Variants in INPP4B observed in about 807,000 individuals in gnomAD.
INPP4B encodes the protein inositol polyphosphate-4-phosphatase type II B.
Under a neutral mutation model 122.5 loss-of-function variants are expected in INPP4B, and 55 were observed. That is an observed-to-expected ratio of 0.45 (90% CI 0.36 to 0.56). INPP4B has a LOEUF of 0.56. INPP4B is among the 20% of genes least tolerant of loss of function. INPP4B has a pLI of 0.00. For synonymous variants in INPP4B, 403 were observed against 388.7 expected, an observed-to-expected ratio of 1.04 and a Z score of -0.43; for missense variants, 1,000 against 1,097.7, an observed-to-expected ratio of 0.91 and a Z score of 1.26.
At chr4:142,759,514 C>T (rs1434133867) in intron 1 of INPP4B, among the ~76,000 whole-genome samples, 1 of 152,068 alleles carries the variant, frequency 6.6e-6, no homozygotes, top group Admixed American at 6.6e-5. Flanking sequence ...CTCACTGCAT[C>T]TTATATTAAG....
In INPP4B at chr4:142,124,618, C is replaced by T. The variant is rs139685597; in HGVS notation, c.1863G>A (p.Thr621=). 3.7e-5 allele frequency: 59 copies of T among 1,613,416 alleles called. No homozygotes were observed. Among genetic ancestry groups the T allele is most frequent in the Middle Eastern group, 1.7e-4 (1 of 6,050 alleles). Residue 621 remains threonine (T), a synonymous_variant, in exon 19 of 26, where the codon ACG becomes ACA. Transcript: ENST00000262992. ...AYSLPQCLML[T]LRRDIVFSQA... ...GGCTGAAGACGATGTCTCTTCTTAG[C>T]GTCAGCATCAGACACTGGGGCAAGC...
intron 15 of INPP4B, among the ~76,000 whole-genome samples, chr4:142,190,721 T>TGA (rs971486701): frequency 7.0e-6 from 1 of 142,314 alleles, no homozygotes; most frequent in African/African-American, 2.7e-5. Flanking sequence ...TGTAAGAGTG[T>TGA]GTGTGTGTGT....
At chr4:142,047,853 T>C (rs956783500) in intron 25 of INPP4B, among the ~76,000 whole-genome samples, 1 of 152,084 alleles carries the variant, frequency 6.6e-6, no homozygotes, top group African/African-American at 2.4e-5. Context: ...TCCTAGATAA[T>C]TATGGGATGA....
chr4:142,079,668 C>A (rs1003287726), intron 25 of INPP4B, among the ~76,000 whole-genome samples: 4 of 151,956 alleles, frequency 2.6e-5, no homozygotes, highest in South Asian at 2.1e-4. Context: ...GCATTAGCAT[C>A]AAAAATGTTT....
intron 12 of INPP4B, among the ~76,000 whole-genome samples, chr4:142,234,654 C>T (rs978754979): frequency 6.6e-6 from 1 of 152,210 alleles, no homozygotes; most frequent in Non-Finnish European, 1.5e-5. Context: ...AAAGCCAAAA[C>T]TATACAGCCT....
intron 2 of INPP4B, among the ~76,000 whole-genome samples, chr4:142,599,247 C>T (rs569326218): frequency 1.3e-5 from 2 of 152,310 alleles, no homozygotes; most frequent in South Asian, 2.1e-4. Flanking sequence ...ATCAGTCTGA[C>T]TGTCTGCTAA....
In INPP4B at chr4:142,779,002, T is replaced by C. The variant is rs549122456; in HGVS notation, c.-253-53101A>G. Among the ~76,000 whole-genome samples, 9 of 152,186 alleles carry C rather than the reference T, an allele frequency of 5.9e-5. No homozygotes were observed. In the East Asian group the frequency reaches 1.7e-3, roughly 30 times the overall value. On this transcript the variant is annotated intron_variant, in intron 1 of 25. Transcript: ENST00000262992. ...TGAATATAGGAATCAATGTAGCTGCTAGAGAGTAAGCCAAATTACCAGCTT... is the reference window on the plus strand; with the variant it reads ...TGAATATAGGAATCAATGTAGCTGCCAGAGAGTAAGCCAAATTACCAGCTT...
Position 142,186,642 on chromosome 4 carries a change from G to C in INPP4B, c.1181+6445C>G, listed in dbSNP as rs75240196. On this transcript the variant is annotated intron_variant, in intron 15 of 25. Coordinates refer to ENST00000262992, the MANE Select transcript of INPP4B (RefSeq NM_001101669.3). ...TGGTTTATTTTAAAGAAGAGGACTA[G>C]AACAGGTAGGATTTCAACTATACAA... is the stretch of plus-strand genomic sequence containing the variant. Among the ~76,000 whole-genome samples, 674 of 152,276 alleles carry C rather than the reference G, an allele frequency of 4.4e-3. 3 individuals carry two copies. The highest frequency in any genetic ancestry group is 0.015 in the African/African-American group (637 of 41,548).
intron 9 of INPP4B, among the ~76,000 whole-genome samples, chr4:142,289,746 G>A (rs1463231917): frequency 1.3e-5 from 2 of 152,138 alleles, no homozygotes; most frequent in Non-Finnish European, 2.9e-5. Context: ...ACTCCATGGT[G>A]ACCCAATCTT....
chr4:142,676,821 A>G (rs879013428), intron 2 of INPP4B, among the ~76,000 whole-genome samples: 1 of 152,152 alleles, frequency 6.6e-6, no homozygotes, highest in Admixed American at 6.6e-5. Flanking sequence ...CCTTTCTTAC[A>G]CCTTATGCAA....
intron 2 of INPP4B, among the ~76,000 whole-genome samples, chr4:142,515,799 T>C (rs1242383200): frequency 6.6e-6 from 1 of 152,204 alleles, no homozygotes. Context: ...TTCTAAACTA[T>C]AGTGTGATTT....
intron 7 of INPP4B, among the ~76,000 whole-genome samples, chr4:142,389,733 A>G (rs1429574627): frequency 6.6e-6 from 1 of 152,210 alleles, no homozygotes; most frequent in African/African-American, 2.4e-5. Flanking sequence ...GAGATTTTTT[A>G]CCAAGATTAA....
intron 12 of INPP4B, among the ~76,000 whole-genome samples, chr4:142,233,981 A>G (rs963528984): frequency 7.9e-5 from 12 of 152,148 alleles, no homozygotes; most frequent in African/African-American, 2.9e-4. Context: ...CTAACCCTAT[A>G]TAATAATGTA....
At chr4:142,133,287 C>G (rs1325296447) in intron 18 of INPP4B, among the ~76,000 whole-genome samples, 1 of 152,140 alleles carries the variant, frequency 6.6e-6, no homozygotes, top group Non-Finnish European at 1.5e-5. Context: ...ATGTCTTTAG[C>G]CTGAATATGT....
intron 1 of INPP4B, among the ~76,000 whole-genome samples, chr4:142,740,079 A>G (rs1767683801): frequency 6.6e-6 from 1 of 152,056 alleles, no homozygotes; most frequent in Non-Finnish European, 1.5e-5. Flanking sequence ...CATTTTAAAA[A>G]TTAGATAAAA....
chr4:142,542,575 AT>A (rs1829064080), intron 2 of INPP4B, among the ~76,000 whole-genome samples: 1 of 152,224 alleles, frequency 6.6e-6, no homozygotes, highest in Non-Finnish European at 1.5e-5. Context: ...TTAGAATAGT[AT>A]CTGAAATTTA....
chr4:142,471,104 TCTTTAA>T (rs111635661), intron 2 of INPP4B, among the ~76,000 whole-genome samples: 4,686 of 152,284 alleles, frequency 0.031, 267 homozygotes, highest in African/African-American at 0.11. Context: ...ATCTTACTAT[TCTTTAA>T]CTTTATCTCC....
chr4:142,527,349 T>C (rs1015430494), intron 2 of INPP4B, among the ~76,000 whole-genome samples: 3 of 151,856 alleles, frequency 2.0e-5, no homozygotes, highest in African/African-American at 7.2e-5. Context: ...CAAACACATA[T>C]ACATACACAC....
intron 2 of INPP4B, among the ~76,000 whole-genome samples, chr4:142,676,370 C>G (rs1324043270): frequency 6.6e-6 from 1 of 152,118 alleles, no homozygotes; most frequent in Non-Finnish European, 1.5e-5. Context: ...AAAAACATTC[C>G]ATGCTCATAG....
Sources: gnomAD v4.1 joint callset for allele counts (sites outside exome capture counted in the v4.1 genomes callset) on GRCh38, gnomAD v4.1.1 for gene constraint, MANE v1.5 for transcripts, NCBI Gene and HGNC (gene_info 2026-07-23, HGNC 2026-07-21) for gene names.